The following FRK variants were observed in gnomAD, a reference collection of about 807,000 sequenced individuals.
The protein encoded by FRK is tyrosine-protein kinase FRK.
A neutral mutation model predicts 56.4 loss-of-function variants in FRK; 51 were observed. The ratio of observed to expected loss-of-function variants is 0.90; its 90% confidence interval spans 0.72 to 1.14. The LOEUF is 1.14. FRK is among the 50% of genes most tolerant of loss of function. FRK has a pLI of 0.00. For missense variants in FRK, 570 were observed against 601.4 expected (o/e 0.95, Z 0.55); for synonymous variants, 245 against 217.9 (o/e 1.12, Z -1.10).
chr6:116,020,662 A>T (rs1775842973), intron 1 of FRK, among the ~76,000 whole-genome samples: 1 of 152,172 alleles, frequency 6.6e-6, no homozygotes, highest in Non-Finnish European at 1.5e-5. Context: ...TACCTCTCCA[A>T]ATTACATATT....
chr6:116,009,915 G>A (rs940120513), intron 1 of FRK, among the ~76,000 whole-genome samples: 1 of 152,070 alleles, frequency 6.6e-6, no homozygotes, highest in Non-Finnish European at 1.5e-5. Flanking sequence ...AGTGTTATAG[G>A]TTTATTTATA....
chr6:115,983,153 T>A (rs923549342), intron 2 of FRK, among the ~76,000 whole-genome samples: 3 of 152,140 alleles, frequency 2.0e-5, no homozygotes, highest in African/African-American at 7.2e-5. Flanking sequence ...TTATGTAATA[T>A]TTTGTCTAAT....
chr6:116,030,817 G>A (rs754689804), intron 1 of FRK, among the ~76,000 whole-genome samples: 1 of 152,074 alleles, frequency 6.6e-6, no homozygotes, highest in Non-Finnish European at 1.5e-5. Context: ...CCCAAGAGTG[G>A]GTCATGGGAA....
intron 2 of FRK, among the ~76,000 whole-genome samples, chr6:115,969,576 T>A (rs1013752148): frequency 3.3e-5 from 5 of 152,190 alleles, no homozygotes; most frequent in Non-Finnish European, 7.3e-5. Flanking sequence ...GGTAGCCACC[T>A]GGAGCCGAAG....
chr6:115,944,303 G>A lies in FRK; in HGVS notation c.1081C>T (p.Leu361Phe). Residue 361 changes from leucine to phenylalanine, a missense_variant, in exon 6 of 8, where the codon CTC becomes TTC. Coordinates refer to ENST00000606080, the MANE Select transcript of FRK (RefSeq NM_002031.3). The part of the protein sequence containing the change: ...IHRDLAARNV[L>F]VGEHNIYKVA... ...TTGTAGATATTATGTTCACCAACGA[G>A]GACATTTCTGGCAGCCAGATCTCTG... The A allele has an allele frequency of 1.2e-6, 2 of 1,613,106 alleles. No homozygotes were observed. The highest frequency in any genetic ancestry group is 1.7e-6 in the Non-Finnish European group (2 of 1,179,648).
In FRK at chr6:116,012,843, G is replaced by A. The variant is rs147803947; in HGVS notation, c.345-8845C>T. 4.6e-5 allele frequency among the ~76,000 whole-genome samples: 7 copies of A among 152,240 alleles called. No homozygotes were observed. The East Asian group carries it at 1.4e-3, about 29-fold the overall frequency. ...CAGTTTCTAATGTTAATTGGCCTTA[G>A]ACCACAGATTTCAATCTGACCTCTC... On this transcript the variant is annotated intron_variant, in intron 1 of 7. Transcript: ENST00000606080.
At chr6:116,072,933 CTG>C in the FRK span, among the ~76,000 whole-genome samples, 1 of 152,130 alleles carries the variant, frequency 6.6e-6, no homozygotes, top group Admixed American at 6.6e-5. Context: ...AAATATCCCT[CTG>C]AAATGGATGC....
chr6:115,952,226 G>T (rs1315905716), intron 5 of FRK, among the ~76,000 whole-genome samples: 1 of 152,128 alleles, frequency 6.6e-6, no homozygotes, highest in African/African-American at 2.4e-5. Flanking sequence ...TGTTGCCATT[G>T]CTTTTGGTGT....
At chr6:116,051,056 C>G (rs887480970) in intron 1 of FRK, among the ~76,000 whole-genome samples, 1 of 152,116 alleles carries the variant, frequency 6.6e-6, no homozygotes, top group South Asian at 2.1e-4. Context: ...ACAATACTGG[C>G]CTTTCAGAGG....
At chr6:116,056,048 T>C (rs1028306726) in intron 1 of FRK, among the ~76,000 whole-genome samples, 2 of 152,178 alleles carry the variant, frequency 1.3e-5, no homozygotes, top group Admixed American at 6.5e-5. Context: ...GGCTGGCTTA[T>C]GTGATTATGT....
intron 1 of FRK, 73 bp downstream of exon 1, chr6:116,059,895 A>C: frequency 7.8e-7 from 1 of 1,275,304 alleles, no homozygotes; most frequent in South Asian, 1.4e-5. Context: ...GGGGTTGTAG[A>C]GAAGTAGAAA....
chr6:115,943,724 T>C (rs1772300296), intron 6 of FRK, among the ~76,000 whole-genome samples: 1 of 152,148 alleles, frequency 6.6e-6, no homozygotes, highest in African/African-American at 2.4e-5. Context: ...TTATGCCCTA[T>C]GTCCATATTT....
chr6:115,949,305 A>T (rs1325347550), intron 5 of FRK, among the ~76,000 whole-genome samples: 2 of 152,192 alleles, frequency 1.3e-5, no homozygotes, highest in East Asian at 3.9e-4. Context: ...TCCTGGCCAG[A>T]ACTTCCAATA....
chr6:116,082,372 A>G, the FRK span, among the ~76,000 whole-genome samples: 2 of 152,186 alleles, frequency 1.3e-5, no homozygotes. Context: ...CCTTGGGCTA[A>G]GGACAGAATT....
chr6:116,007,851 C>CAT (rs35835473), intron 1 of FRK, among the ~76,000 whole-genome samples: 58,876 of 151,636 alleles, frequency 0.39, 11,759 homozygotes, highest in Middle Eastern at 0.49. Context: ...TGTTCAGAAA[C>CAT]AATACAGCAT....
Position 115,967,618 on chromosome 6 carries a change from C to A in FRK, c.732G>T (p.Gln244His). The stretch of plus-strand genomic sequence containing the variant: ...ACAGACCTTCCCATACTTCGCCAAA[C>A]TGACCAGATCCCAATCGCTTCAGAA... ...IQLLKRLGSG[Q>H]FGEVWEGLWN... The change falls in exon 4 of 8, where the codon CAG becomes CAT. Residue 244 changes from glutamine (Q) to histidine (H), a missense_variant. Coordinates refer to ENST00000606080, the MANE Select transcript of FRK (RefSeq NM_002031.3). 6.2e-7 allele frequency: 1 copy of A among 1,613,844 alleles called. No individual in the cohort carries two copies. The highest frequency in any genetic ancestry group is 2.2e-5 in the East Asian group (1 of 44,872).
rs547569775 is a variant in FRK at position 116,042,069 on chromosome 6, C to T, written c.344+17899G>A. The stretch of plus-strand genomic sequence containing the variant: ...CACTAGAGCTTGGTCAGGGAAGGGG[C>T]ATCCACCATTACTGAGGCTTGAGTA... On this transcript the variant is annotated intron_variant, in intron 1 of 7. Transcript: ENST00000606080. Among the ~76,000 whole-genome samples the T allele has an allele frequency of 2.5e-4, 38 of 152,320 alleles. No homozygotes were observed. The South Asian group carries it at 7.0e-3, about 28-fold the overall frequency.
chr6:115,938,820 G>T lies in FRK; in HGVS notation c.*3594C>A, dbSNP rs561059219. ...ACCAATAACAAGTTCTGAAATTGAG[G>T]CAGTAATTAATAGCCTACCAACCAA... On this transcript the variant is annotated 3_prime_UTR_variant, in exon 8 of 8. Transcript: ENST00000606080. 58 of 152,240 alleles carry T rather than the reference G, an allele frequency of 3.8e-4. No homozygotes were observed. Among genetic ancestry groups the T allele is most frequent in the African/African-American group, 1.3e-3 (56 of 41,534 alleles). 9.4% of individuals were successfully genotyped at this position (152,240 alleles called of 1,614,324 possible).
At chr6:116,090,711 G>T in the FRK span, among the ~76,000 whole-genome samples, 1 of 152,122 alleles carries the variant, frequency 6.6e-6, no homozygotes, top group African/African-American at 2.4e-5. Flanking sequence ...CCTCTCAATA[G>T]TATGTTAGCC....
Sources: allele counts gnomAD v4.1 joint callset (sites outside exome capture counted in the v4.1 genomes callset), GRCh38; gene constraint gnomAD v4.1.1; transcripts MANE v1.5; gene names NCBI Gene and HGNC (gene_info 2026-07-23, HGNC 2026-07-21).